The following AFG3L2 variants were observed in gnomAD, a reference collection of about 807,000 sequenced individuals.
The protein encoded by AFG3L2 is AFG3 like matrix AAA peptidase subunit 2.
A neutral mutation model predicts 94.5 loss-of-function variants in AFG3L2; 54 were observed. That is an observed-to-expected ratio of 0.57 (90% confidence interval 0.46 to 0.72). AFG3L2 has a LOEUF of 0.72. Ranked by LOEUF, AFG3L2 falls within the 30% of genes least tolerant of loss-of-function variation. AFG3L2 has a pLI of 0.00. For synonymous variants in AFG3L2, 377 were observed against 365.5 expected, an observed-to-expected ratio of 1.03 and a Z score of -0.36; for missense variants, 754 against 994.9, an observed-to-expected ratio of 0.76 and a Z score of 3.26.
chr18:12,370,213 A>C lies in AFG3L2; in HGVS notation c.292+636T>G, dbSNP rs980936143. Among the ~76,000 whole-genome samples, 15 of 152,120 alleles carry C rather than the reference A, an allele frequency of 9.9e-5. 1 individual carries two copies. Among genetic ancestry groups the C allele is most frequent in the Admixed American group, 8.5e-4 (13 of 15,278 alleles). On this transcript the variant is annotated intron_variant, in intron 3 of 16. Transcript: ENST00000269143. Reference sequence around the variant, plus strand: ...ATTTTTAAAACACTGCCCTAAACACAATATGTATCAAATAAATTGCATGTA... The same window carrying C: ...ATTTTTAAAACACTGCCCTAAACACCATATGTATCAAATAAATTGCATGTA...
intron 8 of AFG3L2, 26 bp from the exon 9 acceptor site, chr18:12,356,857 A>C (rs747229725): frequency 6.2e-7 from 1 of 1,611,278 alleles, no homozygotes; most frequent in South Asian, 1.1e-5. Context: ...AAGAAATTAC[A>C]TTTAATGAGA....
intron 16 of AFG3L2, 51 bp from the exon 17 acceptor site, chr18:12,329,834 C>T (rs1403339620): frequency 1.3e-6 from 2 of 1,500,588 alleles, no homozygotes; most frequent in Non-Finnish European, 9.2e-7. Flanking sequence ...AAAGTCTATT[C>T]AGAAATATTA....
intron 10 of AFG3L2, among the ~76,000 whole-genome samples, chr18:12,352,177 T>C (rs1298380316): frequency 6.6e-6 from 1 of 152,156 alleles, no homozygotes; most frequent in Non-Finnish European, 1.5e-5. Flanking sequence ...GTAAATGCCA[T>C]GGTCCCAGGC....
intron 16 of AFG3L2, among the ~76,000 whole-genome samples, chr18:12,332,858 T>C (rs1274776771): frequency 1.4e-5 from 1 of 72,740 alleles, no homozygotes; most frequent in African/African-American, 4.0e-5. Flanking sequence ...ACACACACCA[T>C]AGTTGTGGGT....
chr18:12,349,248 T>TA (rs137884984), intron 12 of AFG3L2, among the ~76,000 whole-genome samples: 10 of 152,194 alleles, frequency 6.6e-5, no homozygotes, highest in African/African-American at 2.4e-4. Flanking sequence ...ATGGCTGTAA[T>TA]AAAAAGACAG....
chr18:12,370,109 G>A (rs1908934716), intron 3 of AFG3L2, among the ~76,000 whole-genome samples: 1 of 149,722 alleles, frequency 6.7e-6, no homozygotes, highest in Non-Finnish European at 1.5e-5. Context: ...GGGCACAGGA[G>A]GCCCACTCAG....
In AFG3L2 at chr18:12,352,964, AC is replaced by A. The variant is rs774230077; in HGVS notation, c.1318+40del. The A allele has an allele frequency of 1.2e-5, 20 of 1,609,796 alleles. No homozygotes were observed. In the South Asian group the frequency reaches 1.8e-4, roughly 14 times the overall value. ...GTCAGACTCCATCTCAAAAAAAAAA[AC>A]AAAAGTGCAGTTAAAGATACAAAAG... On this transcript the variant is annotated intron_variant, in intron 10 of 16. Coordinates refer to ENST00000269143, the MANE Select transcript of AFG3L2 (RefSeq NM_006796.3).
At position 12,370,752 on chromosome 18, in the gene AFG3L2, C is replaced by T. The variant is rs909649963; in HGVS notation, c.292+97G>A. 7 of 860,168 alleles carry T rather than the reference C, an allele frequency of 8.1e-6. No homozygotes were observed. In the Admixed American group the frequency reaches 1.3e-4, roughly 16 times the overall value. 53.3% of individuals were successfully genotyped at this position (860,168 alleles called of 1,614,324 possible). A position where few individuals can be genotyped will look rare whatever the true frequency, so the allele number is the denominator to read the frequency against. ...GGGATTACAGGCGTGAGACACTGTG[C>T]CCGGCCTGATAACTCTTTTCTTTGT... On this transcript the variant is annotated intron_variant, in intron 3 of 16. Coordinates refer to ENST00000269143, the MANE Select transcript of AFG3L2 (RefSeq NM_006796.3).
At position 12,337,387 on chromosome 18, in the gene AFG3L2, T is replaced by G; in HGVS notation, c.2129A>C (p.Lys710Thr). The G allele has an allele frequency of 6.2e-7, 1 of 1,614,246 alleles. No individual in the cohort carries two copies. The highest frequency in any genetic ancestry group is 8.5e-7 in the Non-Finnish European group (1 of 1,180,010). The change falls in exon 16 of 17, where the codon AAA (lysine) becomes ACA (threonine). Residue 710 changes from lysine (K) to threonine (T), a missense_variant. Coordinates refer to ENST00000269143, the MANE Select transcript of AFG3L2 (RefSeq NM_006796.3). ...TTCTGTGAGAAGAGCTACTGTTCTTTTATAAGCATCATTAATAAGTATTCG... is the reference window on the plus strand; with the variant it reads ...TTCTGTGAGAAGAGCTACTGTTCTTGTATAAGCATCATTAATAAGTATTCG... ...EVRILINDAY[K>T]RTVALLTEKK...
chr18:12,374,923 G>A (rs1192129116), intron 1 of AFG3L2, among the ~76,000 whole-genome samples: 1 of 151,948 alleles, frequency 6.6e-6, no homozygotes, highest in Admixed American at 6.6e-5. Flanking sequence ...AGGCGTAGTG[G>A]CGGGCGCCTG....
chr18:12,342,042 T>C (rs1162624053), intron 14 of AFG3L2: 1 of 152,158 alleles, frequency 6.6e-6, no homozygotes. Context: ...AATTTTTCTA[T>C]TTTTAGTAGA....
chr18:12,364,135 C>G (rs779582286), intron 5 of AFG3L2, among the ~76,000 whole-genome samples: 1 of 152,206 alleles, frequency 6.6e-6, no homozygotes, highest in Non-Finnish European at 1.5e-5. Flanking sequence ...TGCACATTCC[C>G]TTCTGCCTGT....
At chr18:12,375,556 T>C (rs1019968985) in intron 1 of AFG3L2, among the ~76,000 whole-genome samples, 3 of 150,762 alleles carry the variant, frequency 2.0e-5, no homozygotes, top group Non-Finnish European at 4.4e-5. Flanking sequence ...TGGTGAACCC[T>C]ATCTTTTGGG....
chr18:12,367,214 C>T, intron 4 of AFG3L2, 62 bp downstream of exon 4: 1 of 1,612,708 alleles, frequency 6.2e-7, no homozygotes. Flanking sequence ...ACACTAATGC[C>T]TCCCAACCTT....
intron 16 of AFG3L2, 153 bp from the exon 17 acceptor site, chr18:12,329,936 A>G (rs1169654078): frequency 1.4e-6 from 1 of 689,662 alleles, no homozygotes; most frequent in Non-Finnish European, 2.5e-6. Flanking sequence ...TTTTAGAGTA[A>G]GATGTGCAAA....
Position 12,328,995 on chromosome 18 carries a change from A to C in AFG3L2, c.*570T>G. On this transcript the variant is annotated 3_prime_UTR_variant, in exon 17 of 17. Transcript: ENST00000269143. Reference sequence around the variant, plus strand: ...ATTTTATTTTTTATGTAAAGAAGCCATATTTACATAATACATTCATATTTT... The same window carrying C: ...ATTTTATTTTTTATGTAAAGAAGCCCTATTTACATAATACATTCATATTTT... 1.7e-6 allele frequency: 1 copy of C among 594,138 alleles called. No homozygotes were observed. Among genetic ancestry groups the C allele is most frequent in the Non-Finnish European group, 3.0e-6 (1 of 334,228 alleles). The allele number at this position is 594,138 out of a possible 1,614,324, so 36.8% of individuals were successfully genotyped here.
At chr18:12,347,172 C>T (rs1908168043) in intron 13 of AFG3L2, among the ~76,000 whole-genome samples, 1 of 152,114 alleles carries the variant, frequency 6.6e-6, no homozygotes, top group Non-Finnish European at 1.5e-5. Context: ...AAAAACCCAC[C>T]TTAATTCAAC....
intron 8 of AFG3L2, among the ~76,000 whole-genome samples, chr18:12,357,894 T>C (rs1008210398): frequency 2.8e-4 from 43 of 152,318 alleles, no homozygotes; most frequent in African/African-American, 1.0e-3. Flanking sequence ...CCACTGCGCC[T>C]GGCCCTACAC....
intron 3 of AFG3L2, among the ~76,000 whole-genome samples, chr18:12,369,351 C>T (rs1908906060): frequency 6.6e-6 from 1 of 152,170 alleles, no homozygotes; most frequent in Non-Finnish European, 1.5e-5. Context: ...GTGCTTCTCC[C>T]TCCCCATGTC....
Sources: gnomAD v4.1 joint callset for allele counts (sites outside exome capture counted in the v4.1 genomes callset) on GRCh38, gnomAD v4.1.1 for gene constraint, MANE v1.5 for transcripts, NCBI Gene and HGNC (gene_info 2026-07-23, HGNC 2026-07-21) for gene names.